The following BRINP1 variants were observed in gnomAD, a reference collection of about 807,000 sequenced individuals.
BRINP1 encodes BMP/retinoic acid inducible neural specific 1.
Under a neutral mutation model 72.9 loss-of-function variants are expected in BRINP1, and 17 were observed. The observed-to-expected ratio is 0.23, with a 90% confidence interval of 0.16 to 0.35. The LOEUF is 0.35. Ranked by LOEUF, BRINP1 falls within the 10% of genes least tolerant of loss-of-function variation. The probability of loss-of-function intolerance (pLI) is 1.00; values close to 1 mark genes in which losing one functional copy is unlikely to be tolerated. For synonymous variants in BRINP1, 418 were observed against 378.5 expected (o/e 1.10, Z -1.21); for missense variants, 850 against 1,001.6 (o/e 0.85, Z 2.04).
rs1831577116 is a variant in BRINP1 at position 119,357,137 on chromosome 9, TC to T, written c.-51+11918del. Among the ~76,000 whole-genome samples, 3 of 152,240 alleles carry T rather than the reference TC, an allele frequency of 2.0e-5. No homozygotes were observed. The South Asian group carries it at 6.2e-4, about 32-fold the overall frequency. On this transcript the variant is annotated intron_variant, in intron 1 of 7. Transcript: ENST00000265922. ...CTTAATACCATATCTGGGCTCATGT[TC>T]TTTTACTAGAGAAGAAGAAATCTGC...
chr9:119,299,612 C>CAAA (rs758236349), intron 2 of BRINP1, among the ~76,000 whole-genome samples: 1 of 57,156 alleles, frequency 1.7e-5, no homozygotes, highest in African/African-American at 6.7e-5. Context: ...GACTCCGTCT[C>CAAA]AAAAAAAAAA....
At chr9:119,284,127 A>G (rs886422863) in intron 2 of BRINP1, among the ~76,000 whole-genome samples, 1 of 151,986 alleles carries the variant, frequency 6.6e-6, no homozygotes, top group African/African-American at 2.4e-5. Context: ...CTCCCCTCCC[A>G]TCTGGGTTTC....
intron 2 of BRINP1, among the ~76,000 whole-genome samples, chr9:119,271,257 C>T (rs191133201): frequency 3.3e-4 from 49 of 148,984 alleles, no homozygotes; most frequent in African/African-American, 1.1e-3. Context: ...CAGGGGGAAA[C>T]GATGAGTGTA....
intron 5 of BRINP1, among the ~76,000 whole-genome samples, chr9:119,229,110 C>A (rs1216160243): frequency 6.6e-6 from 1 of 152,054 alleles, no homozygotes. Context: ...TAATATTTGG[C>A]ACACCATAAA....
intron 2 of BRINP1, among the ~76,000 whole-genome samples, chr9:119,303,516 G>A (rs372684685): frequency 4.6e-5 from 7 of 152,278 alleles, no homozygotes; most frequent in African/African-American, 9.6e-5. Context: ...CTCGCGAATC[G>A]TGGGACGTGC....
chr9:119,333,652 G>A (rs886698741), intron 1 of BRINP1, among the ~76,000 whole-genome samples: 3 of 152,016 alleles, frequency 2.0e-5, no homozygotes, highest in Admixed American at 2.0e-4. Context: ...TAGGAGAGAA[G>A]GGCTTGTCCT....
At chr9:119,171,944 G>A (rs1376828998) in intron 7 of BRINP1, among the ~76,000 whole-genome samples, 3 of 131,954 alleles carry the variant, frequency 2.3e-5, no homozygotes, top group African/African-American at 3.4e-5. Context: ...CGAGAACAAA[G>A]ACACAACATA....
At chr9:119,351,382 G>T (rs535200602) in intron 1 of BRINP1, among the ~76,000 whole-genome samples, 2 of 152,060 alleles carry the variant, frequency 1.3e-5, no homozygotes, top group South Asian at 4.2e-4. Context: ...CATTGGATCT[G>T]AGGTCCTGTA....
At chr9:119,294,297 G>A (rs562379255) in intron 2 of BRINP1, among the ~76,000 whole-genome samples, 31 of 152,298 alleles carry the variant, frequency 2.0e-4, no homozygotes, top group African/African-American at 6.0e-4. Context: ...TTGGGAGGCC[G>A]AGGCGGATGA....
At chr9:119,339,287 G>A (rs1004336268) in intron 1 of BRINP1, among the ~76,000 whole-genome samples, 4 of 152,204 alleles carry the variant, frequency 2.6e-5, no homozygotes, top group East Asian at 1.9e-4. Context: ...GACTGGGAGC[G>A]GGCCAGATTT....
At position 119,318,021 on chromosome 9, in the gene BRINP1, T is replaced by C. The variant is rs571296990; in HGVS notation, c.-50-4616A>G. Among the ~76,000 whole-genome samples the C allele has an allele frequency of 3.3e-5, 5 of 152,350 alleles. No homozygotes were observed. The South Asian group carries it at 6.2e-4, about 19-fold the overall frequency. ...TCAATTTATTGCAATATTTGCTTTA[T>C]TGTGGTCATCTGGAACGCAACCTAC... On this transcript the variant is annotated intron_variant, in intron 1 of 7. Transcript: ENST00000265922.
At chr9:119,273,884 C>T (rs749024244) in intron 2 of BRINP1, among the ~76,000 whole-genome samples, 8 of 152,170 alleles carry the variant, frequency 5.3e-5, no homozygotes, top group Non-Finnish European at 7.3e-5. Flanking sequence ...CTCTTTACAA[C>T]GACTTCATTC....
chr9:119,227,230 C>G (rs1432537493), intron 5 of BRINP1, among the ~76,000 whole-genome samples: 1 of 151,928 alleles, frequency 6.6e-6, no homozygotes, highest in Non-Finnish European at 1.5e-5. Flanking sequence ...ATTAAAAGAC[C>G]TAAGGAAGCT....
At chr9:119,196,690 G>A (rs960645669) in intron 7 of BRINP1, among the ~76,000 whole-genome samples, 1 of 152,160 alleles carries the variant, frequency 6.6e-6, no homozygotes, top group Admixed American at 6.6e-5. Context: ...AACCTGTGGA[G>A]GAGATATTAT....
At chr9:119,175,859 C>A (rs541357932) in intron 7 of BRINP1, among the ~76,000 whole-genome samples, 1 of 152,124 alleles carries the variant, frequency 6.6e-6, no homozygotes, top group African/African-American at 2.4e-5. Context: ...AGGGTATATT[C>A]ACTCCAATTT....
rs1291724429 is a variant in BRINP1, at chr9:119,368,380, T to G, written c.-51+676A>C. 6.6e-6 allele frequency among the ~76,000 whole-genome samples: 1 copy of G among 152,050 alleles called. No homozygotes were observed. ...TCGGGGGTTGGCCATGTCTCTTTCA[T>G]ATTAAGCTGTGGGTCCCAGTGTAGC... On this transcript the variant is annotated intron_variant, in intron 1 of 7. Transcript: ENST00000265922. The surrounding 1 kb of genome is among the most constrained non-coding windows in gnomAD (Gnocchi z 4.7).
chr9:119,175,053 C>CACATGTATACATAT (rs1829465744), intron 7 of BRINP1, among the ~76,000 whole-genome samples: 1 of 143,398 alleles, frequency 7.0e-6, no homozygotes, highest in South Asian at 2.2e-4. Flanking sequence ...ACCAGCATGG[C>CACATGTATACATAT]ACATGTATAC....
intron 2 of BRINP1, among the ~76,000 whole-genome samples, chr9:119,274,804 A>C (rs556699649): frequency 1.3e-5 from 2 of 152,316 alleles, no homozygotes; most frequent in East Asian, 3.9e-4. Context: ...TTCAAGTCAC[A>C]GAGAGTAAAT....
intron 1 of BRINP1, among the ~76,000 whole-genome samples, chr9:119,362,705 C>T (rs10984507): frequency 2.0e-5 from 3 of 152,038 alleles, no homozygotes; most frequent in South Asian, 4.1e-4. Context: ...CTATCCATTT[C>T]CCCTACTCTT....
Sources: gnomAD v4.1 joint callset for allele counts (sites outside exome capture counted in the v4.1 genomes callset) on GRCh38, gnomAD v4.1.1 for gene constraint, Gnocchi (gnomAD v3.1) non-coding constraint, MANE v1.5 for transcripts, NCBI Gene and HGNC (gene_info 2026-07-23, HGNC 2026-07-21) for gene names.